MARCHF8: variants seen among roughly 807,000 people sequenced by gnomAD.
MARCHF8 encodes membrane associated ring-CH-type finger 8.
A neutral mutation model predicts 51.6 loss-of-function variants in MARCHF8; 40 were observed. The ratio of observed to expected loss-of-function variants is 0.77; its 90% CI spans 0.60 to 1.01. The LOEUF is 1.01. Ranked by LOEUF, MARCHF8 falls within the 50% of genes least tolerant of loss-of-function variation. The pLI is 0.00. For synonymous variants in MARCHF8, 263 were observed against 280.3 expected (o/e 0.94, Z 0.62); for missense variants, 685 against 708.6 (o/e 0.97, Z 0.38).
chr10:45,463,163 CCT>C lies in MARCHF8; in HGVS notation c.1074_1075del (p.Asp360CysfsTer8). 2 of 1,549,764 alleles carry C rather than the reference CCT, an allele frequency of 1.3e-6. No individual in the cohort carries two copies. Among genetic ancestry groups the C allele is most frequent in the Non-Finnish European group, 1.7e-6 (2 of 1,146,560 alleles). On this transcript the variant is annotated frameshift_variant, in exon 5 of 8. Transcript: ENST00000453424. LOFTEE classifies it high-confidence loss of function. ...CTGGCAAACCAACCTGCAGACATCC[CCT>C]GACGTGGACACGGGAGATATGGGGG... is the stretch of plus-strand genomic sequence containing the variant.
intron 1 of MARCHF8, among the ~76,000 whole-genome samples, chr10:45,566,346 G>T (rs577070166): frequency 6.6e-6 from 1 of 152,184 alleles, no homozygotes; most frequent in East Asian, 1.9e-4. Flanking sequence ...ACTTTATTGT[G>T]CTATCAAACA....
chr10:45,512,755 C>T (rs76416966), intron 2 of MARCHF8, among the ~76,000 whole-genome samples: 9,143 of 151,432 alleles, frequency 0.06, 329 homozygotes, highest in Non-Finnish European at 0.065. Flanking sequence ...CGGGCCGGGA[C>T]GACAATGGCG....
At chr10:45,522,011 C>T (rs1589147770) in intron 2 of MARCHF8, among the ~76,000 whole-genome samples, 2 of 152,088 alleles carry the variant, frequency 1.3e-5, no homozygotes, top group Admixed American at 6.5e-5. Flanking sequence ...ATGTTTTTAA[C>T]ATGTTCCACC....
At chr10:45,548,237 T>C (rs1290426452) in intron 1 of MARCHF8, among the ~76,000 whole-genome samples, 2 of 152,180 alleles carry the variant, frequency 1.3e-5, no homozygotes, top group African/African-American at 2.4e-5. Context: ...TGCAAGTGCT[T>C]GGCTAAGAGA....
chr10:45,504,866 G>A (rs1446182298), intron 2 of MARCHF8, among the ~76,000 whole-genome samples: 3 of 152,108 alleles, frequency 2.0e-5, no homozygotes, highest in Non-Finnish European at 4.4e-5. Context: ...TTCCCTTACT[G>A]CGTCCCTCTT....
intron 1 of MARCHF8, among the ~76,000 whole-genome samples, chr10:45,551,167 A>G (rs1476098652): frequency 1.3e-5 from 2 of 152,236 alleles, no homozygotes; most frequent in Non-Finnish European, 2.9e-5. Context: ...GAGTAATGCC[A>G]GACCTGCTTC....
chr10:45,567,542 C>T lies in MARCHF8; in HGVS notation c.-79+26693G>A, dbSNP rs527376627. The stretch of plus-strand genomic sequence containing the variant: ...GATTTATTGAAGAGACTGTCTTTTC[C>T]CCAGAGTATGTTCTTGGCTCCTTTG... On this transcript the variant is annotated intron_variant, in intron 1 of 6. Transcript: ENST00000319836. Among the ~76,000 whole-genome samples, 19 of 152,056 alleles carry T rather than the reference C, an allele frequency of 1.2e-4. No individual in the cohort carries two copies. The South Asian group carries it at 1.9e-3, about 15-fold the overall frequency.
Position 45,535,281 on chromosome 10 carries a change from A to T in MARCHF8, c.-149T>A, listed in dbSNP as rs780431425. 1 of 152,210 alleles carries T rather than the reference A, an allele frequency of 6.6e-6. No homozygotes were observed. The highest frequency in any genetic ancestry group is 2.1e-4 in the South Asian group (1 of 4,834). 9.4% of individuals were successfully genotyped at this position (152,210 alleles called of 1,614,324 possible). ...TAAGCAGTTTTTTCATCACTAATGCACTAACGTCCTCTATTACAGATGACA... is the reference window on the plus strand; with the variant it reads ...TAAGCAGTTTTTTCATCACTAATGCTCTAACGTCCTCTATTACAGATGACA... On this transcript the variant is annotated 5_prime_UTR_variant, in exon 1 of 8. Transcript: ENST00000453424.
intron 3 of MARCHF8, among the ~76,000 whole-genome samples, chr10:45,483,486 C>G (rs575244966): frequency 6.6e-6 from 1 of 152,192 alleles, no homozygotes; most frequent in South Asian, 2.1e-4. Flanking sequence ...ATTAGTACAA[C>G]CAGTATGAAA....
intron 3 of MARCHF8, among the ~76,000 whole-genome samples, chr10:45,480,691 T>C (rs971542464): frequency 1.3e-4 from 20 of 152,240 alleles, no homozygotes; most frequent in Non-Finnish European, 2.4e-4. Context: ...AATTGAGATT[T>C]GGGAACCTCT....
chr10:45,546,599 T>C (rs936280612), intron 1 of MARCHF8, among the ~76,000 whole-genome samples: 2 of 151,894 alleles, frequency 1.3e-5, no homozygotes, highest in Non-Finnish European at 1.5e-5. Context: ...CTGGGCCACA[T>C]GGTGAGACCC....
intron 3 of MARCHF8, among the ~76,000 whole-genome samples, chr10:45,480,657 G>A (rs971038622): frequency 6.6e-6 from 1 of 152,218 alleles, no homozygotes; most frequent in Non-Finnish European, 1.5e-5. Context: ...GTGGTGTTGA[G>A]CCTGCGGGTA....
chr10:45,478,775 A>T (rs1426304417), intron 3 of MARCHF8, among the ~76,000 whole-genome samples: 5 of 152,212 alleles, frequency 3.3e-5, no homozygotes, highest in African/African-American at 1.2e-4. Context: ...CCTAGAGGAA[A>T]TGGATAGACA....
chr10:45,489,580 T>C (rs1242850217), intron 2 of MARCHF8, among the ~76,000 whole-genome samples, 163 bp from the exon 3 acceptor site: 1 of 152,172 alleles, frequency 6.6e-6, no homozygotes, highest in Non-Finnish European at 1.5e-5. Context: ...CAGTAAATAT[T>C]GCACATTTGG....
chr10:45,499,236 A>G (rs566228663), intron 2 of MARCHF8, among the ~76,000 whole-genome samples: 8 of 152,336 alleles, frequency 5.3e-5, no homozygotes, highest in African/African-American at 1.9e-4. Context: ...CCTACTAGCC[A>G]TTTGTATATC....
At chr10:45,551,319 G>A (rs1027044512) in intron 1 of MARCHF8, among the ~76,000 whole-genome samples, 2 of 152,180 alleles carry the variant, frequency 1.3e-5, no homozygotes, top group Non-Finnish European at 2.9e-5. Flanking sequence ...TCACAGTGCA[G>A]ATTGGGAGTG....
chr10:45,486,207 G>A (rs947570093), intron 3 of MARCHF8, among the ~76,000 whole-genome samples: 2 of 152,182 alleles, frequency 1.3e-5, no homozygotes, highest in African/African-American at 2.4e-5. Context: ...AATGACCATA[G>A]TAAGCATCCC....
intron 2 of MARCHF8, among the ~76,000 whole-genome samples, chr10:45,514,558 C>T (rs1335975926): frequency 1.3e-5 from 2 of 152,218 alleles, no homozygotes. Context: ...ACTACTTCCT[C>T]CAGCTGATTT....
chr10:45,484,652 G>C (rs1564477679), intron 3 of MARCHF8, among the ~76,000 whole-genome samples: 1 of 152,212 alleles, frequency 6.6e-6, no homozygotes, highest in Non-Finnish European at 1.5e-5. Context: ...TTTAGACTAA[G>C]GGGAGGGTGT....
Sources: gnomAD v4.1 joint callset for allele counts (sites outside exome capture counted in the v4.1 genomes callset) on GRCh38, gnomAD v4.1.1 for gene constraint, MANE v1.5 for transcripts, NCBI Gene and HGNC (gene_info 2026-07-23, HGNC 2026-07-21) for gene names.